Variants in NOL4 observed in about 807,000 individuals in gnomAD.
NOL4 encodes cancer/testis antigen 125.
In NOL4, 17 loss-of-function variants were observed where a neutral mutation model predicts 75.9. The observed-to-expected ratio is 0.22, with a 90% CI of 0.15 to 0.34. NOL4 has a LOEUF of 0.34. NOL4 is among the 10% of genes least tolerant of loss of function. The pLI is 1.00. For synonymous variants in NOL4, 292 were observed against 289.9 expected, an observed-to-expected ratio of 1.01 and a Z score of -0.07; for missense variants, 614 against 793.5, an observed-to-expected ratio of 0.77 and a Z score of 2.72.
At chr18:34,004,428 T>C (rs2073917761) in intron 6 of NOL4, among the ~76,000 whole-genome samples, 1 of 152,088 alleles carries the variant, frequency 6.6e-6, no homozygotes, top group Admixed American at 6.6e-5. Context: ...TCATTTATAG[T>C]TATAACACAT....
rs983585163 is a variant in NOL4 at position 34,190,783 on chromosome 18, G to T, written c.264+32207C>A. 6.6e-5 allele frequency among the ~76,000 whole-genome samples: 10 copies of T among 151,478 alleles called. 1 individual carries two copies. The highest frequency in any genetic ancestry group is 4.8e-5 in the African/African-American group (2 of 41,290). On this transcript the variant is annotated intron_variant, in intron 1 of 10. Transcript: ENST00000261592. ...TTAAATTATGCATTTTATTACAATT[G>T]TATATTTATTTCACACTCCAAAAAA... is the stretch of plus-strand genomic sequence containing the variant.
At chr18:34,222,412 G>A (rs1347462034) in intron 1 of NOL4, 3 of 1,135,716 alleles carry the variant, frequency 2.6e-6, no homozygotes, top group Non-Finnish European at 3.2e-6. Flanking sequence ...ACGATCTCTG[G>A]GAGTGATCGA....
At chr18:34,156,899 C>T (rs927922883) in intron 1 of NOL4, among the ~76,000 whole-genome samples, 3 of 152,058 alleles carry the variant, frequency 2.0e-5, no homozygotes, top group Non-Finnish European at 2.9e-5. Flanking sequence ...AAAATCTGTC[C>T]CCTGCCTCCT....
rs917896889 is a variant in NOL4 at position 33,995,031 on chromosome 18, A to G, written c.1056+24287T>C. On this transcript the variant is annotated intron_variant, in intron 6 of 10. Coordinates refer to ENST00000261592, the MANE Select transcript of NOL4 (RefSeq NM_003787.5). ...AAATTAGTACCTTAGATGACATGGA[A>G]AAACTCCTAGAAATACACAAACTAC... Among the ~76,000 whole-genome samples, 22 of 151,742 alleles carry G rather than the reference A, an allele frequency of 1.4e-4. 1 individual carries two copies. In the South Asian group the frequency reaches 2.7e-3, roughly 19 times the overall value.
intron 1 of NOL4, among the ~76,000 whole-genome samples, chr18:34,213,833 A>G (rs760989677): frequency 2.0e-4 from 30 of 152,234 alleles, no homozygotes; most frequent in Admixed American, 9.8e-4. Flanking sequence ...TATAAAATCA[A>G]AGAAGTATAA....
At chr18:34,173,551 A>G (rs2033253903) in intron 1 of NOL4, among the ~76,000 whole-genome samples, 1 of 152,138 alleles carries the variant, frequency 6.6e-6, no homozygotes, top group Admixed American at 6.6e-5. Context: ...AATTAAAATA[A>G]AATAATAAAA....
intron 2 of NOL4, among the ~76,000 whole-genome samples, chr18:34,119,095 A>G (rs76056361): frequency 0.025 from 3,846 of 152,318 alleles, 56 homozygotes; most frequent in African/African-American, 0.03. Context: ...TCAGGACTCA[A>G]AAAGAAAACT....
chr18:33,904,640 A>T (rs1307785508), intron 9 of NOL4, among the ~76,000 whole-genome samples: 1 of 152,170 alleles, frequency 6.6e-6, no homozygotes, highest in Non-Finnish European at 1.5e-5. Context: ...TGTTACCTGT[A>T]TGTTTTGTAA....
chr18:34,143,650 T>C (rs990042589), intron 1 of NOL4, among the ~76,000 whole-genome samples: 1 of 151,970 alleles, frequency 6.6e-6, no homozygotes, highest in Non-Finnish European at 1.5e-5. Flanking sequence ...GTGGATCACT[T>C]GAGGTCAGCA....
intron 4 of NOL4, 126 bp downstream of exon 4, chr18:34,103,921 G>A: frequency 1.6e-6 from 1 of 633,970 alleles, no homozygotes; most frequent in Non-Finnish European, 2.8e-6. Flanking sequence ...TGCAACTGTG[G>A]TGAGATTCAT....
At chr18:34,038,510 C>T (rs1319222438) in intron 5 of NOL4, among the ~76,000 whole-genome samples, 1 of 151,738 alleles carries the variant, frequency 6.6e-6, no homozygotes, top group African/African-American at 2.4e-5. Context: ...AACAAATGGG[C>T]AAAGAAAATG....
intron 1 of NOL4, among the ~76,000 whole-genome samples, chr18:34,187,370 C>CTTTTTTTTT (rs545524361): frequency 3.8e-5 from 3 of 78,352 alleles, no homozygotes; most frequent in African/African-American, 6.2e-5. Context: ...TAGTCCACTT[C>CTTTTTTTTT]TTTTTTTTTT....
chr18:33,868,108 A>T (rs1387548987), intron 10 of NOL4, among the ~76,000 whole-genome samples: 6 of 149,346 alleles, frequency 4.0e-5, no homozygotes, highest in Non-Finnish European at 5.9e-5. Context: ...CATGATCATG[A>T]CTCATTGCAG....
chr18:33,964,850 A>C (rs1260646460), intron 6 of NOL4, among the ~76,000 whole-genome samples: 3 of 152,200 alleles, frequency 2.0e-5, no homozygotes, highest in Non-Finnish European at 4.4e-5. Flanking sequence ...CCAAAATATG[A>C]GACATTGGGC....
intron 2 of NOL4, chr18:34,128,793 G>A: frequency 2.9e-6 from 2 of 692,688 alleles, no homozygotes; most frequent in Non-Finnish European, 3.6e-6. Flanking sequence ...GCAAAAAATA[G>A]TTATGAAAAA....
At chr18:34,073,531 T>G (rs967401952) in intron 5 of NOL4, among the ~76,000 whole-genome samples, 1 of 152,032 alleles carries the variant, frequency 6.6e-6, no homozygotes, top group Non-Finnish European at 1.5e-5. Flanking sequence ...ACTTGTTATA[T>G]TATATTGTTT....
At chr18:33,982,597 A>C (rs1247655564) in intron 6 of NOL4, among the ~76,000 whole-genome samples, 1 of 152,174 alleles carries the variant, frequency 6.6e-6, no homozygotes, top group Non-Finnish European at 1.5e-5. Context: ...GAAATAGATT[A>C]GTCTGTTATT....
chr18:34,114,858 C>G (rs150718048), intron 2 of NOL4, among the ~76,000 whole-genome samples: 1 of 150,328 alleles, frequency 6.7e-6, no homozygotes, highest in Non-Finnish European at 1.5e-5. Context: ...GCTAAGGGCC[C>G]AGGGAAAGCA....
At chr18:33,906,356 G>A (rs756244831) in intron 9 of NOL4, among the ~76,000 whole-genome samples, 2 of 152,022 alleles carry the variant, frequency 1.3e-5, no homozygotes, top group Non-Finnish European at 2.9e-5. Flanking sequence ...AACCTGAAAT[G>A]TTTACTGACT....
Sources: allele counts gnomAD v4.1 joint callset (sites outside exome capture counted in the v4.1 genomes callset), GRCh38; gene constraint gnomAD v4.1.1; transcripts MANE v1.5; gene names NCBI Gene and HGNC (gene_info 2026-07-23, HGNC 2026-07-21).